The following GLIS1 variants were observed in gnomAD, a reference collection of about 807,000 sequenced individuals.
The protein encoded by GLIS1 is GLIS family zinc finger 1.
Under a neutral mutation model 63.8 loss-of-function variants are expected in GLIS1, and 24 were observed. The ratio of observed to expected loss-of-function variants is 0.38; its 90% CI spans 0.27 to 0.53. The LOEUF is 0.53. Among genes scored for constraint, GLIS1 ranks in the 20% least tolerant of loss-of-function variants. The pLI is 0.85. For synonymous variants in GLIS1, 450 were observed against 482.5 expected (o/e 0.93, Z 0.88); for missense variants, 1,036 against 1,074.1 (o/e 0.96, Z 0.50).
chr1:53,581,077 G>A (rs143606901), intron 4 of GLIS1, among the ~76,000 whole-genome samples: 108 of 152,292 alleles, frequency 7.1e-4, no homozygotes, highest in African/African-American at 2.3e-3. Context: ...GTTTCCAGTC[G>A]CAGCAGATGG....
intron 2 of GLIS1, among the ~76,000 whole-genome samples, chr1:53,698,614 G>A (rs1320743904): frequency 6.6e-6 from 1 of 152,198 alleles, no homozygotes; most frequent in Non-Finnish European, 1.5e-5. Context: ...CCAAGCCAGG[G>A]ACCTCTGTTC....
intron 4 of GLIS1, among the ~76,000 whole-genome samples, chr1:53,575,462 C>T (rs1256079565): frequency 6.6e-6 from 1 of 152,186 alleles, no homozygotes; most frequent in Non-Finnish European, 1.5e-5. Flanking sequence ...CCTGGGACAC[C>T]CTTCCTGTCC....
intron 2 of GLIS1, among the ~76,000 whole-genome samples, chr1:53,606,940 C>T (rs1645376354): frequency 6.6e-6 from 1 of 152,156 alleles, no homozygotes; most frequent in Non-Finnish European, 1.5e-5. Flanking sequence ...GCGGAGACAC[C>T]CGAGCCAGCC....
intron 2 of GLIS1, among the ~76,000 whole-genome samples, chr1:53,695,749 C>T (rs189697579): frequency 8.5e-5 from 13 of 152,368 alleles, no homozygotes; most frequent in African/African-American, 3.1e-4. Context: ...GACCCAAAAA[C>T]TGGCTTTTAC....
intron 2 of GLIS1, among the ~76,000 whole-genome samples, chr1:53,668,734 A>G (rs962132254): frequency 2.6e-5 from 4 of 152,214 alleles, no homozygotes; most frequent in African/African-American, 4.8e-5. Flanking sequence ...TGAGTACAGT[A>G]CCATGCTGTA....
intron 2 of GLIS1, among the ~76,000 whole-genome samples, chr1:53,728,938 T>C (rs908892819): frequency 2.0e-5 from 3 of 152,226 alleles, no homozygotes; most frequent in African/African-American, 7.2e-5. Flanking sequence ...CTTTAAAGCA[T>C]GTACCAAGAA....
intron 4 of GLIS1, among the ~76,000 whole-genome samples, chr1:53,565,127 C>T (rs1335173396): frequency 1.3e-5 from 2 of 152,048 alleles, no homozygotes; most frequent in East Asian, 1.9e-4. Context: ...AAATTAAAGG[C>T]CCACTGCATC....
chr1:53,524,943 GCCTC>G, intron 5 of GLIS1, 56 bp from the exon 6 acceptor site: 1 of 1,308,222 alleles, frequency 7.6e-7, no homozygotes, highest in Non-Finnish European at 1.1e-6. Context: ...CGGGACACGC[GCCTC>G]CGCGTGACCT....
chr1:53,617,692 T>C (rs1324995247), intron 2 of GLIS1, among the ~76,000 whole-genome samples: 1 of 152,230 alleles, frequency 6.6e-6, no homozygotes, highest in East Asian at 1.9e-4. Flanking sequence ...TAGTTCTTCT[T>C]CAATATAAAA....
Position 53,565,802 on chromosome 1 carries a change from C to G in GLIS1, c.1320+28306G>C, listed in dbSNP as rs182175632. 6.4e-4 allele frequency among the ~76,000 whole-genome samples: 97 copies of G among 151,708 alleles called. No individual in the cohort carries two copies. In the East Asian group the frequency reaches 0.016, roughly 24 times the overall value. Reference sequence around the variant, plus strand: ...TCATTCTAATCTTATACAAATTCTTCAAGGAATAGAAAAAAAAAGGGATAC... The same window carrying G: ...TCATTCTAATCTTATACAAATTCTTGAAGGAATAGAAAAAAAAAGGGATAC... On this transcript the variant is annotated intron_variant, in intron 4 of 10. Coordinates refer to ENST00000628545, the MANE Select transcript of GLIS1 (RefSeq NM_001367484.1).
chr1:53,670,340 G>A (rs564859095), intron 2 of GLIS1, among the ~76,000 whole-genome samples: 17 of 152,202 alleles, frequency 1.1e-4, no homozygotes, highest in South Asian at 4.2e-4. Context: ...GACTCCTCCC[G>A]ACAGACCCCA....
chr1:53,593,915 G>A (rs1023302862), intron 4 of GLIS1, among the ~76,000 whole-genome samples, 193 bp downstream of exon 4: 2 of 152,206 alleles, frequency 1.3e-5, no homozygotes, highest in Non-Finnish European at 2.9e-5. Flanking sequence ...CCTCTGCCAC[G>A]GTTCCCAGTG....
At chr1:53,670,184 T>C (rs1026550191) in intron 2 of GLIS1, among the ~76,000 whole-genome samples, 1 of 152,220 alleles carries the variant, frequency 6.6e-6, no homozygotes, top group Non-Finnish European at 1.5e-5. Context: ...AACAGGAATC[T>C]GAATGCTCCC....
chr1:53,710,662 C>T (rs1011128880), intron 2 of GLIS1, among the ~76,000 whole-genome samples: 2 of 151,692 alleles, frequency 1.3e-5, no homozygotes, highest in African/African-American at 2.4e-5. Context: ...CCTGCTGGGG[C>T]TGGAGAACCC....
At chr1:53,662,552 C>T (rs1646040284) in intron 2 of GLIS1, among the ~76,000 whole-genome samples, 1 of 152,122 alleles carries the variant, frequency 6.6e-6, no homozygotes, top group African/African-American at 2.4e-5. Flanking sequence ...AAGCGTGGAT[C>T]CTGAGGGCAA....
intron 2 of GLIS1, among the ~76,000 whole-genome samples, chr1:53,714,301 A>T (rs1488885326): frequency 6.6e-6 from 1 of 152,256 alleles, no homozygotes; most frequent in Non-Finnish European, 1.5e-5. Flanking sequence ...AAACATGAGA[A>T]CAGCACCTGA....
chr1:53,521,647 C>A (rs1346656126), intron 6 of GLIS1, among the ~76,000 whole-genome samples: 1 of 152,200 alleles, frequency 6.6e-6, no homozygotes, highest in Non-Finnish European at 1.5e-5. Flanking sequence ...CATCTGGTCA[C>A]CCCATCATGG....
At chr1:53,613,994 C>G (rs2100579554) in intron 2 of GLIS1, among the ~76,000 whole-genome samples, 1 of 152,256 alleles carries the variant, frequency 6.6e-6, no homozygotes, top group South Asian at 2.1e-4. Flanking sequence ...ATTATAAGCG[C>G]AGGATTCAAA....
Position 53,592,879 on chromosome 1 carries a change from G to A in GLIS1, c.1320+1229C>T, listed in dbSNP as rs572804437. Among the ~76,000 whole-genome samples, 10 of 152,332 alleles carry A rather than the reference G, an allele frequency of 6.6e-5. No homozygotes were observed. The South Asian group carries it at 1.0e-3, about 16-fold the overall frequency. On this transcript the variant is annotated intron_variant, in intron 4 of 10. Transcript: ENST00000628545. Reference sequence around the variant, plus strand: ...GAAGCTGCAGAAGCAGATCCTGTCCGACGCCCAGCTCCCAGCTCCACAGGT... The same window carrying A: ...GAAGCTGCAGAAGCAGATCCTGTCCAACGCCCAGCTCCCAGCTCCACAGGT...
Sources: gnomAD v4.1 joint callset for allele counts (sites outside exome capture counted in the v4.1 genomes callset) on GRCh38, gnomAD v4.1.1 for gene constraint, MANE v1.5 for transcripts, NCBI Gene and HGNC (gene_info 2026-07-23, HGNC 2026-07-21) for gene names.